Variants in KCNMB2 observed in about 807,000 individuals in gnomAD.
KCNMB2 encodes potassium calcium-activated channel subfamily M regulatory beta subunit 2, also known as calcium-activated potassium channel subunit beta-2.
Under a neutral mutation model 24.5 loss-of-function variants are expected in KCNMB2, and 9 were observed. The ratio of observed to expected loss-of-function variants is 0.37; its 90% CI spans 0.22 to 0.64. The LOEUF is 0.64. Ranked by LOEUF, KCNMB2 falls within the 30% of genes least tolerant of loss-of-function variation. The pLI, the probability that KCNMB2 is intolerant of heterozygous loss-of-function variation, is 0.63. For synonymous variants in KCNMB2, 109 were observed against 104.4 expected, an observed-to-expected ratio of 1.04 and a Z score of -0.27; for missense variants, 226 against 284.3, an observed-to-expected ratio of 0.79 and a Z score of 1.47.
At chr3:178,749,314 T>C (rs1723768066) in intron 1 of KCNMB2, 1 of 152,220 alleles carries the variant, frequency 6.6e-6, no homozygotes, top group Non-Finnish European at 1.5e-5. Flanking sequence ...AAAACAAATT[T>C]CTACTACAAC....
intron 1 of KCNMB2, among the ~76,000 whole-genome samples, chr3:178,653,734 T>C (rs1459073847): frequency 2.0e-5 from 3 of 152,130 alleles, no homozygotes; most frequent in African/African-American, 7.2e-5. Context: ...TGTCTTTATG[T>C]TTTTAAGATT....
intron 1 of KCNMB2, among the ~76,000 whole-genome samples, chr3:178,663,902 A>T (rs1245466763): frequency 6.6e-6 from 1 of 152,174 alleles, no homozygotes; most frequent in Non-Finnish European, 1.5e-5. Context: ...ACTGGTGGCA[A>T]GAAGACTAAT....
chr3:178,589,215 AG>A (rs1717572030), intron 1 of KCNMB2, among the ~76,000 whole-genome samples: 1 of 152,210 alleles, frequency 6.6e-6, no homozygotes, highest in South Asian at 2.1e-4. Context: ...CCCTCCAATT[AG>A]AAAACACAAG....
intron 1 of KCNMB2, among the ~76,000 whole-genome samples, chr3:178,688,950 T>TA (rs1317690331): frequency 2.6e-5 from 4 of 152,118 alleles, no homozygotes; most frequent in Non-Finnish European, 5.9e-5. Flanking sequence ...TATTTATACA[T>TA]AAAAAATACT....
chr3:178,581,136 A>C (rs758284598), intron 1 of KCNMB2, among the ~76,000 whole-genome samples: 37 of 152,152 alleles, frequency 2.4e-4, no homozygotes, highest in African/African-American at 8.2e-4. Flanking sequence ...GCTACAGTAA[A>C]CAAAACAGCA....
chr3:178,610,112 T>G (rs562114635), intron 1 of KCNMB2, among the ~76,000 whole-genome samples: 42 of 152,340 alleles, frequency 2.8e-4, no homozygotes, highest in African/African-American at 1.0e-3. Flanking sequence ...TTCTGGGTTC[T>G]CTATGTTGTT....
chr3:178,623,261 C>G (rs776640183), intron 1 of KCNMB2, among the ~76,000 whole-genome samples: 4 of 152,200 alleles, frequency 2.6e-5, no homozygotes, highest in Non-Finnish European at 4.4e-5. Context: ...ACCATAGGGC[C>G]ACACTTACGT....
intron 1 of KCNMB2, among the ~76,000 whole-genome samples, chr3:178,606,145 TC>T (rs1198165927): frequency 6.6e-6 from 1 of 152,134 alleles, no homozygotes; most frequent in Non-Finnish European, 1.5e-5. Context: ...ACAGGACCAA[TC>T]TTATAGATAC....
chr3:178,750,812 G>C (rs1253398399), intron 1 of KCNMB2, among the ~76,000 whole-genome samples: 10 of 148,008 alleles, frequency 6.8e-5, no homozygotes, highest in Non-Finnish European at 1.5e-4. Context: ...CAGTCCTAAA[G>C]AGATGAATAA....
At chr3:178,752,014 C>T (rs2108390140) in intron 1 of KCNMB2, among the ~76,000 whole-genome samples, 1 of 152,320 alleles carries the variant, frequency 6.6e-6, no homozygotes, top group East Asian at 1.9e-4. Flanking sequence ...GAAGCAAACT[C>T]ATGTTGCAAA....
In KCNMB2 at chr3:178,842,887, A is replaced by C. The variant is rs1715477852; in HGVS notation, c.658A>C (p.Thr220Pro). ...GVAIVAMVKL[T>P]QYLSLLCERI... The stretch of plus-strand genomic sequence containing the variant: ...GGCAATTGTTGCCATGGTGAAACTT[A>C]CACAGTACCTCTCCCTACTATGTGA... Residue 220 changes from threonine to proline, a missense_variant, in exon 5 of 5, where the codon ACA (threonine) becomes CCA (proline). Physicochemically the swap from Thr to Pro is conservative, Grantham distance 38. Coordinates refer to ENST00000452583, the MANE Select transcript of KCNMB2 (RefSeq NM_181361.3). 6 of 1,614,022 alleles carry C rather than the reference A, an allele frequency of 3.7e-6. No individual in the cohort carries two copies. Among genetic ancestry groups the C allele is most frequent in the Non-Finnish European group, 5.1e-6 (6 of 1,179,900 alleles).
intron 1 of KCNMB2, among the ~76,000 whole-genome samples, chr3:178,692,199 T>C (rs774592647): frequency 6.6e-6 from 1 of 152,248 alleles, no homozygotes; most frequent in Non-Finnish European, 1.5e-5. Context: ...AGGTTGTCTG[T>C]TTACTCTGAT....
intron 1 of KCNMB2, among the ~76,000 whole-genome samples, chr3:178,619,463 T>C (rs1718831754): frequency 6.6e-6 from 1 of 152,192 alleles, no homozygotes; most frequent in Admixed American, 6.5e-5. Flanking sequence ...TTACAGACTA[T>C]AAATACCAAG....
At chr3:178,650,544 C>T (rs892462838) in intron 1 of KCNMB2, among the ~76,000 whole-genome samples, 1 of 152,032 alleles carries the variant, frequency 6.6e-6, no homozygotes, top group Admixed American at 6.6e-5. Flanking sequence ...AGGGACTTCT[C>T]CCTCACTCAT....
At chr3:178,678,535 A>C (rs141752571) in intron 1 of KCNMB2, among the ~76,000 whole-genome samples, 105 of 152,350 alleles carry the variant, frequency 6.9e-4, no homozygotes, top group African/African-American at 2.4e-3. Flanking sequence ...GCCTTATGTG[A>C]ATGGCTGATC....
At chr3:178,617,495 T>C (rs181916450) in intron 1 of KCNMB2, among the ~76,000 whole-genome samples, 7 of 150,364 alleles carry the variant, frequency 4.7e-5, no homozygotes, top group Non-Finnish European at 1.0e-4. Flanking sequence ...GAGGTGGAGG[T>C]TGCAGATTGG....
At chr3:178,571,212 A>G (rs1716767040) in intron 1 of KCNMB2, among the ~76,000 whole-genome samples, 1 of 147,994 alleles carries the variant, frequency 6.8e-6, no homozygotes, top group Admixed American at 6.7e-5. Flanking sequence ...GTCTTTTGTG[A>G]TTTTTTTTTT....
In KCNMB2 at chr3:178,561,270, T is replaced by G. The variant is rs182724846; in HGVS notation, c.-68+24559T>G. 1.1e-4 allele frequency among the ~76,000 whole-genome samples: 16 copies of G among 152,294 alleles called. No homozygotes were observed. In the East Asian group the frequency reaches 3.1e-3, roughly 29 times the overall value. ...TAAGCACAGAGCTACAGCAACAGTT[T>G]AACAGGATAATGCAAGGATTATTAT... On this transcript the variant is annotated intron_variant, in intron 1 of 4. Transcript: ENST00000452583.
intron 1 of KCNMB2, among the ~76,000 whole-genome samples, chr3:178,772,190 CT>C (rs1291667972): frequency 6.6e-6 from 1 of 152,172 alleles, no homozygotes; most frequent in Non-Finnish European, 1.5e-5. Context: ...AATTCGTTAT[CT>C]TTATCTCTTT....
Sources: allele counts gnomAD v4.1 joint callset (sites outside exome capture counted in the v4.1 genomes callset), GRCh38; gene constraint gnomAD v4.1.1; transcripts MANE v1.5; gene names NCBI Gene and HGNC (gene_info 2026-07-23, HGNC 2026-07-21).